TEKT5: variants seen among roughly 807,000 people sequenced by gnomAD.
TEKT5 encodes the protein tektin-5.
TEKT5 carries 52 observed loss-of-function variants against 48.7 expected under a neutral mutation model. That is an observed-to-expected ratio of 1.07 (90% CI 0.86 to 1.35). The LOEUF is 1.35. Among genes scored for constraint, TEKT5 ranks in the 40% most tolerant of loss-of-function variants. The probability of loss-of-function intolerance (pLI) is 0.00; values close to 1 mark genes in which losing one functional copy is unlikely to be tolerated. For synonymous variants in TEKT5, 318 were observed against 267.6 expected, an observed-to-expected ratio of 1.19 and a Z score of -1.84; for missense variants, 831 against 641.6, an observed-to-expected ratio of 1.30 and a Z score of -3.19.
intron 6 of TEKT5, among the ~76,000 whole-genome samples, chr16:10,628,238 G>C (rs1897784623): frequency 2.0e-5 from 3 of 152,206 alleles, no homozygotes; most frequent in Admixed American, 2.0e-4. Context: ...AGACAGGCAA[G>C]GCTCGGCCCT....
chr16:10,632,594 C>A (rs1596399105), intron 6 of TEKT5, among the ~76,000 whole-genome samples: 2 of 152,038 alleles, frequency 1.3e-5, no homozygotes, highest in East Asian at 3.9e-4. Flanking sequence ...CCACACCTAG[C>A]CTTTAAAGTT....
chr16:10,646,480 G>C (rs1898072634), intron 5 of TEKT5, among the ~76,000 whole-genome samples: 1 of 152,132 alleles, frequency 6.6e-6, no homozygotes, highest in Non-Finnish European at 1.5e-5. Flanking sequence ...CAGTCACTTT[G>C]CTTTTTTTCC....
chr16:10,675,080 C>T (rs2142300492), intron 5 of TEKT5, among the ~76,000 whole-genome samples: 1 of 152,300 alleles, frequency 6.6e-6, no homozygotes, highest in Non-Finnish European at 1.5e-5. Flanking sequence ...CCCGCCTCAG[C>T]CTCCCAAAGT....
At chr16:10,667,168 G>A (rs140431475) in intron 5 of TEKT5, among the ~76,000 whole-genome samples, 2 of 151,966 alleles carry the variant, frequency 1.3e-5, no homozygotes, top group South Asian at 4.2e-4. Flanking sequence ...GTTTTTTGTA[G>A]AAACAAGATC....
chr16:10,663,001 C>A (rs1283389994), intron 5 of TEKT5, among the ~76,000 whole-genome samples: 2 of 152,282 alleles, frequency 1.3e-5, no homozygotes, highest in East Asian at 3.9e-4. Flanking sequence ...ACTCTCACCC[C>A]CTGCAGAGGA....
intron 1 of TEKT5, among the ~76,000 whole-genome samples, chr16:10,693,435 G>A (rs1251569382): frequency 1.3e-5 from 2 of 152,174 alleles, no homozygotes; most frequent in Admixed American, 1.3e-4. Context: ...TGTATTTATT[G>A]AATGCCTACT....
At chr16:10,642,551 C>T (rs1331789040) in intron 5 of TEKT5, among the ~76,000 whole-genome samples, 1 of 152,112 alleles carries the variant, frequency 6.6e-6, no homozygotes, top group Non-Finnish European at 1.5e-5. Context: ...CCCCTGTGGA[C>T]CCCTGTGGTG....
rs369731065 is a variant in TEKT5, at chr16:10,668,567, G to T, written c.1086+7392C>A. Among the ~76,000 whole-genome samples the T allele has an allele frequency of 1.4e-3, 215 of 152,280 alleles. 1 individual carries two copies. Among genetic ancestry groups the T allele is most frequent in the African/African-American group, 4.9e-3 (204 of 41,570 alleles). On this transcript the variant is annotated intron_variant, in intron 5 of 6. Coordinates refer to ENST00000283025, the MANE Select transcript of TEKT5 (RefSeq NM_144674.2). ...TGGACAAACAGAGGGGTTGGCAGTA[G>T]ACACGCAGGGCCTCAGATCACCAGC...
chr16:10,688,326 C>T (rs1464333242), intron 3 of TEKT5, among the ~76,000 whole-genome samples: 2 of 152,246 alleles, frequency 1.3e-5, no homozygotes, highest in African/African-American at 4.8e-5. Flanking sequence ...TTCTCCCTAA[C>T]ACCCAGAACT....
intron 5 of TEKT5, among the ~76,000 whole-genome samples, chr16:10,651,967 A>C (rs1460417759): frequency 6.6e-6 from 1 of 151,276 alleles, no homozygotes; most frequent in Non-Finnish European, 1.5e-5. Context: ...ATCTCAAAAA[A>C]ATAAAAAAGA....
At chr16:10,681,890 A>G (rs1174041263) in intron 4 of TEKT5, 103 bp downstream of exon 4, 2 of 1,455,990 alleles carry the variant, frequency 1.4e-6, no homozygotes, top group African/African-American at 1.4e-5. Flanking sequence ...GCCACTTCCC[A>G]CTTAACTGGT....
intron 5 of TEKT5, among the ~76,000 whole-genome samples, chr16:10,642,257 C>G (rs759174486): frequency 6.6e-6 from 1 of 152,230 alleles, no homozygotes; most frequent in Non-Finnish European, 1.5e-5. Context: ...GGAGCACACT[C>G]TTCAAATGCA....
At chr16:10,642,081 C>T (rs2719632) in intron 5 of TEKT5, among the ~76,000 whole-genome samples, 3,140 of 152,350 alleles carry the variant, frequency 0.021, 110 homozygotes, top group African/African-American at 0.072. Flanking sequence ...CAATCTGGAT[C>T]GCTGTGCCGT....
At chr16:10,681,349 C>G (rs2719718) in intron 4 of TEKT5, among the ~76,000 whole-genome samples, 89,630 of 151,470 alleles carry the variant, frequency 0.59, 27,871 homozygotes, top group East Asian at 0.82. Context: ...TTTGAAGCCA[C>G]GTAGCCTGGC....
intron 5 of TEKT5, among the ~76,000 whole-genome samples, chr16:10,664,239 A>G (rs1669127686): frequency 6.6e-6 from 1 of 152,170 alleles, no homozygotes; most frequent in African/African-American, 2.4e-5. Context: ...AGTCTAGCAC[A>G]TAGGATGGGC....
At chr16:10,691,387 T>C (rs1898973161) in intron 1 of TEKT5, 1 of 151,988 alleles carries the variant, frequency 6.6e-6, no homozygotes, top group Admixed American at 6.6e-5. Flanking sequence ...AAGAGGAAAA[T>C]ATTCAGGGTG....
chr16:10,650,210 C>G (rs1157870471), intron 5 of TEKT5, among the ~76,000 whole-genome samples: 1 of 151,830 alleles, frequency 6.6e-6, no homozygotes, highest in African/African-American at 2.4e-5. Context: ...GTGTGTGCGA[C>G]AAGTAGCTGG....
chr16:10,676,227 G>C lies in TEKT5; in HGVS notation c.864-46C>G, dbSNP rs758081398. On this transcript the variant is annotated intron_variant, in intron 4 of 6. Transcript: ENST00000283025. ...GTTGCAGCAGTCCTGGAAGACCTCAGAATCTGTGGTTTCTCCGCCTTGGCA... is the reference window on the plus strand; with the variant it reads ...GTTGCAGCAGTCCTGGAAGACCTCACAATCTGTGGTTTCTCCGCCTTGGCA... 19 of 1,591,214 alleles carry C rather than the reference G, an allele frequency of 1.2e-5. No individual in the cohort carries two copies. In the East Asian group the frequency reaches 4.3e-4, roughly 36 times the overall value.
intron 5 of TEKT5, among the ~76,000 whole-genome samples, chr16:10,651,418 C>A (rs1387224305): frequency 2.0e-5 from 3 of 152,180 alleles, no homozygotes; most frequent in African/African-American, 7.2e-5. Flanking sequence ...CAAAAGCAAG[C>A]TTTTCCTTTG....
Sources: gnomAD v4.1 joint callset for allele counts (sites outside exome capture counted in the v4.1 genomes callset) on GRCh38, gnomAD v4.1.1 for gene constraint, MANE v1.5 for transcripts, NCBI Gene and HGNC (gene_info 2026-07-23, HGNC 2026-07-21) for gene names.